The following TTC23L variants were observed in gnomAD, a reference collection of about 807,000 sequenced individuals.
TTC23L encodes tetratricopeptide repeat domain 23 like, also known as tetratricopeptide repeat protein 23-like.
Under a neutral mutation model 48.1 loss-of-function variants are expected in TTC23L, and 42 were observed. The observed-to-expected ratio is 0.87, with a 90% CI of 0.68 to 1.13. The LOEUF (loss-of-function observed/expected upper bound fraction) is 1.13, where lower values mean the gene tolerates loss of function less well. Ranked by LOEUF, TTC23L falls within the 50% of genes most tolerant of loss-of-function variation. TTC23L has a pLI of 0.00. For missense variants in TTC23L, 391 were observed against 421.0 expected, an observed-to-expected ratio of 0.93 and a Z score of 0.62; for synonymous variants, 159 against 157.2, an observed-to-expected ratio of 1.01 and a Z score of -0.09.
chr5:34,878,430 T>A (rs1762005496), intron 8 of TTC23L, among the ~76,000 whole-genome samples: 1 of 152,194 alleles, frequency 6.6e-6, no homozygotes, highest in Admixed American at 6.5e-5. Flanking sequence ...TAAAAAAATA[T>A]AAAGTTCTTC....
At chr5:34,857,625 A>G (rs1308195573) in intron 4 of TTC23L, among the ~76,000 whole-genome samples, 1 of 152,240 alleles carries the variant, frequency 6.6e-6, no homozygotes, top group East Asian at 1.9e-4. Flanking sequence ...AAATTACTCA[A>G]TAAGAGAAAT....
intron 4 of TTC23L, chr5:34,861,409 G>A (rs1760646194): frequency 6.1e-6 from 1 of 163,166 alleles, no homozygotes; most frequent in South Asian, 1.8e-4. Flanking sequence ...TTTGGAAAGA[G>A]GGAAGACATA....
intron 2 of TTC23L, among the ~76,000 whole-genome samples, chr5:34,842,294 A>G (rs947198020): frequency 2.0e-5 from 3 of 152,184 alleles, no homozygotes; most frequent in African/African-American, 7.2e-5. Flanking sequence ...CAGACCAGCA[A>G]TATTTCATGT....
At chr5:34,876,036 T>C (rs1324882317) in intron 8 of TTC23L, among the ~76,000 whole-genome samples, 5 of 152,118 alleles carry the variant, frequency 3.3e-5, no homozygotes, top group African/African-American at 1.2e-4. Flanking sequence ...TCTAAATGTG[T>C]GGGATAAGAA....
downstream of TTC23L, among the ~76,000 whole-genome samples, chr5:34,901,195 TTG>T (rs931801441): frequency 1.3e-5 from 2 of 152,166 alleles, no homozygotes; most frequent in African/African-American, 4.8e-5. Flanking sequence ...GCAACGCAGT[TTG>T]TGTTTTTTCA....
chr5:34,913,478 G>A, the TTC23L span: 1 of 1,561,164 alleles, frequency 6.4e-7, no homozygotes, highest in Non-Finnish European at 8.7e-7. Context: ...ACCTGGCATA[G>A]GACTTGATCC....
chr5:34,923,311 C>T, the TTC23L span: 1 of 1,182,488 alleles, frequency 8.5e-7, no homozygotes, highest in Non-Finnish European at 1.2e-6. Context: ...CAGAGTCTCG[C>T]TCTTGTTGCC....
At chr5:34,887,597 G>A (rs943747824) in intron 9 of TTC23L, among the ~76,000 whole-genome samples, 2 of 152,148 alleles carry the variant, frequency 1.3e-5, no homozygotes, top group African/African-American at 4.8e-5. Flanking sequence ...TAAGAATTGT[G>A]TACAGAATCT....
chr5:34,901,031 G>A (rs994580849), downstream of TTC23L, among the ~76,000 whole-genome samples: 1 of 152,126 alleles, frequency 6.6e-6, no homozygotes, highest in Non-Finnish European at 1.5e-5. Flanking sequence ...ACTGTGAATG[G>A]CACCATGTAC....
chr5:34,902,215 C>T (rs182312077), downstream of TTC23L, among the ~76,000 whole-genome samples: 238 of 151,990 alleles, frequency 1.6e-3, 1 homozygote, highest in African/African-American at 5.5e-3. Context: ...CCTGAGGTCA[C>T]GAGTTCCAAG....
At position 34,863,449 on chromosome 5, in the gene TTC23L, C is replaced by T. The variant is rs1280559911; in HGVS notation, c.536+395C>T. Among the ~76,000 whole-genome samples, 1 of 152,152 alleles carries T rather than the reference C, an allele frequency of 6.6e-6. No homozygotes were observed. The highest frequency in any genetic ancestry group is 2.4e-5 in the African/African-American group (1 of 41,426). ...GCACAATTTGGCAAACTAGGCTGCA[C>T]ATTGTAATCCCCTGGGGAGCTTTAA... On this transcript the variant is annotated intron_variant, in intron 5 of 10. Transcript: ENST00000505624. This position sits in a 1 kb window ranked among gnomAD's most constrained non-coding sequence, Gnocchi z 4.1.
the TTC23L span, among the ~76,000 whole-genome samples, chr5:34,915,140 C>T: frequency 6.6e-6 from 1 of 152,204 alleles, no homozygotes; most frequent in South Asian, 2.1e-4. Context: ...ACGGTTTCCT[C>T]GTCTCCGTAA....
intron 6 of TTC23L, 86 bp downstream of exon 6, chr5:34,864,648 A>G: frequency 4.2e-6 from 6 of 1,432,698 alleles, no homozygotes; most frequent in Non-Finnish European, 5.5e-6. Flanking sequence ...TTTAGAGCAA[A>G]AAAACCCAGA....
At chr5:34,840,789 C>G (rs769681264) in intron 2 of TTC23L, 50 bp downstream of exon 2, 1 of 1,556,518 alleles carries the variant, frequency 6.4e-7, no homozygotes, top group African/African-American at 1.4e-5. Flanking sequence ...GGCTGAAACA[C>G]TGGGACCTCC....
At chr5:34,895,173 T>G (rs1027354846) in intron 9 of TTC23L, among the ~76,000 whole-genome samples, 2 of 152,194 alleles carry the variant, frequency 1.3e-5, no homozygotes, top group African/African-American at 4.8e-5. Context: ...GTTAGAAGAA[T>G]GTAGTAGTTA....
At chr5:34,920,474 A>C in the TTC23L span, 7 of 152,208 alleles carry the variant, frequency 4.6e-5, no homozygotes, top group East Asian at 1.9e-4. Context: ...TAGAGCACAA[A>C]TTTTTGAACC....
chr5:34,875,734 A>C (rs1761789270), intron 8 of TTC23L, among the ~76,000 whole-genome samples: 1 of 152,194 alleles, frequency 6.6e-6, no homozygotes, highest in African/African-American at 2.4e-5. Context: ...ACAGATACAC[A>C]GGCAGAAAAT....
chr5:34,891,578 G>A (rs73080629), intron 9 of TTC23L, among the ~76,000 whole-genome samples: 5,656 of 152,260 alleles, frequency 0.037, 283 homozygotes, highest in African/African-American at 0.12. Context: ...CCATAGGTTA[G>A]TTTTGAGATT....
chr5:34,898,838 A>G, intron 10 of TTC23L, among the ~76,000 whole-genome samples: 1 of 152,318 alleles, frequency 6.6e-6, no homozygotes, highest in East Asian at 1.9e-4. Flanking sequence ...TAGAAATAGG[A>G]GGTGACTAAA....
Sources: gnomAD v4.1 joint callset for allele counts (sites outside exome capture counted in the v4.1 genomes callset) on GRCh38, gnomAD v4.1.1 for gene constraint, Gnocchi (gnomAD v3.1) non-coding constraint, MANE v1.5 for transcripts, NCBI Gene and HGNC (gene_info 2026-07-23, HGNC 2026-07-21) for gene names.